PARD3B: variants seen among roughly 807,000 people sequenced by gnomAD.
PARD3B encodes partitioning defective 3 homolog B.
A neutral mutation model predicts 130.2 loss-of-function variants in PARD3B; 103 were observed. The observed-to-expected ratio is 0.79, with a 90% CI of 0.67 to 0.93. The LOEUF (loss-of-function observed/expected upper bound fraction) is 0.93, where lower values mean the gene tolerates loss of function less well. Among genes scored for constraint, PARD3B ranks in the 40% least tolerant of loss-of-function variants. PARD3B has a pLI of 0.00. For missense variants in PARD3B, 1,609 were observed against 1,499.2 expected (o/e 1.07, Z -1.21); for synonymous variants, 583 against 553.2 (o/e 1.05, Z -0.76).
intron 21 of PARD3B, among the ~76,000 whole-genome samples, chr2:205,536,765 G>C (rs892420912): frequency 1.3e-5 from 2 of 152,242 alleles, no homozygotes; most frequent in East Asian, 3.9e-4. Context: ...CCAATTACAA[G>C]ATGGAAGATT....
chr2:204,935,487 C>A (rs1274264630), intron 2 of PARD3B, among the ~76,000 whole-genome samples: 2 of 151,486 alleles, frequency 1.3e-5, no homozygotes, highest in Non-Finnish European at 1.5e-5. Context: ...TGCAGTGAGC[C>A]AAGATGGCGC....
chr2:205,619,381 A>C lies in PARD3B; in HGVS notation c.*3568A>C, dbSNP rs1176136753. The C allele has an allele frequency of 6.6e-6, 1 of 152,218 alleles. No homozygotes were observed. The allele number at this position is 152,218 out of a possible 1,614,324, so 9.4% of individuals were successfully genotyped here. ...GTTTGGTCTGAATGTGTGTCTGTACAATTCCCTTTGGCATTAAACTCTGAA... is the reference window on the plus strand; with the variant it reads ...GTTTGGTCTGAATGTGTGTCTGTACCATTCCCTTTGGCATTAAACTCTGAA... On this transcript the variant is annotated 3_prime_UTR_variant, in exon 23 of 23. Coordinates refer to ENST00000406610, the MANE Select transcript of PARD3B (RefSeq NM_001302769.2).
chr2:205,302,032 G>A (rs995081466), intron 18 of PARD3B: 57 of 540,348 alleles, frequency 1.1e-4, no homozygotes, highest in Admixed American at 6.6e-4. Flanking sequence ...GGGCAAGGTA[G>A]GGAGACCCTA....
intron 2 of PARD3B, among the ~76,000 whole-genome samples, chr2:204,770,477 C>T (rs2041318031): frequency 6.6e-6 from 1 of 151,198 alleles, no homozygotes; most frequent in South Asian, 2.1e-4. Context: ...AATGTATATT[C>T]TGTTGATTTG....
chr2:204,792,904 T>A (rs1286124942), intron 2 of PARD3B, among the ~76,000 whole-genome samples: 1 of 151,844 alleles, frequency 6.6e-6, no homozygotes, highest in Non-Finnish European at 1.5e-5. Context: ...TTTACCTATT[T>A]TTTTTTTTTT....
At chr2:204,986,125 A>AAAT (rs1693127128) in intron 3 of PARD3B, among the ~76,000 whole-genome samples, 1 of 150,840 alleles carries the variant, frequency 6.6e-6, no homozygotes, top group Non-Finnish European at 1.5e-5. Flanking sequence ...AAAAAAAAAA[A>AAAT]AGAGCTTATC....
chr2:204,565,502 G>A (rs556559268), intron 1 of PARD3B, among the ~76,000 whole-genome samples: 29 of 152,194 alleles, frequency 1.9e-4, no homozygotes, highest in Admixed American at 8.5e-4. Context: ...TTTTCCAAAC[G>A]TTGACATATT....
At chr2:205,055,001 A>G (rs954543395) in intron 4 of PARD3B, among the ~76,000 whole-genome samples, 2 of 152,164 alleles carry the variant, frequency 1.3e-5, no homozygotes, top group Non-Finnish European at 2.9e-5. Context: ...TCTGAAATAT[A>G]ATGTTTACAT....
At chr2:205,132,218 G>A (rs2032068652) in intron 10 of PARD3B, among the ~76,000 whole-genome samples, 1 of 152,294 alleles carries the variant, frequency 6.6e-6, no homozygotes, top group East Asian at 1.9e-4. Flanking sequence ...AGAAAATATT[G>A]TGGTAGAAAA....
In PARD3B at chr2:205,177,866, CA is replaced by C. The variant is rs1321476673; in HGVS notation, c.1924+1292del. Among the ~76,000 whole-genome samples, 4 of 152,230 alleles carry C rather than the reference CA, an allele frequency of 2.6e-5. No individual in the cohort carries two copies. The South Asian group carries it at 8.3e-4, about 32-fold the overall frequency. On this transcript the variant is annotated intron_variant, in intron 13 of 22. Transcript: ENST00000406610. ...AGAAAGTCAGTAAATAATTTACTCA[CA>C]AATGCATATTTGATACATGCACAGT...
intron 2 of PARD3B, among the ~76,000 whole-genome samples, chr2:204,804,981 A>G (rs1435406858): frequency 9.2e-5 from 14 of 152,146 alleles, no homozygotes; most frequent in Admixed American, 9.2e-4. Context: ...CAGTATTAAG[A>G]GAAAAGTCTA....
At position 205,585,405 on chromosome 2, in the gene PARD3B, T is replaced by C. The variant is rs1272324841; in HGVS notation, c.3261-30051T>C. 2.0e-5 allele frequency among the ~76,000 whole-genome samples: 3 copies of C among 152,198 alleles called. No individual in the cohort carries two copies. In the East Asian group the frequency reaches 5.8e-4, roughly 29 times the overall value. On this transcript the variant is annotated intron_variant, in intron 22 of 22. Transcript: ENST00000406610. This position sits in a 1 kb window ranked among gnomAD's most constrained non-coding sequence, Gnocchi z 5.4. ...GTGTGAGAGAATCCCCAGGGACCCT[T>C]TGGTAAATAGTAGTTTTTAAAGGGT...
At chr2:204,558,009 C>A (rs1196467255) in intron 1 of PARD3B, 2 of 152,098 alleles carry the variant, frequency 1.3e-5, no homozygotes, top group Non-Finnish European at 2.9e-5. Flanking sequence ...TTGATGGATT[C>A]TTTATTTTTG....
At chr2:204,648,652 A>ATCATATAAATAAT (rs1559028878) in intron 1 of PARD3B, among the ~76,000 whole-genome samples, 2 of 114,670 alleles carry the variant, frequency 1.7e-5, no homozygotes, top group African/African-American at 7.0e-5. Context: ...TTATATATAT[A>ATCATATAAATAAT]ATATATTTAT....
intron 3 of PARD3B, among the ~76,000 whole-genome samples, chr2:205,045,745 C>T (rs1044201817): frequency 3.3e-5 from 5 of 151,850 alleles, no homozygotes; most frequent in Admixed American, 2.6e-4. Context: ...CACACACGCA[C>T]ACATACACTC....
At chr2:205,494,575 C>T (rs146945627) in intron 20 of PARD3B, among the ~76,000 whole-genome samples, 188 of 152,252 alleles carry the variant, frequency 1.2e-3, no homozygotes, top group African/African-American at 4.2e-3. Flanking sequence ...TTAATGAATA[C>T]GGACTTCATT....
intron 2 of PARD3B, among the ~76,000 whole-genome samples, chr2:204,757,410 C>G (rs769814434): frequency 6.6e-6 from 1 of 152,184 alleles, no homozygotes; most frequent in African/African-American, 2.4e-5. Flanking sequence ...TCCTCCACAA[C>G]CTTGCCAACA....
At chr2:205,515,469 T>TAA (rs201637469) in intron 21 of PARD3B, among the ~76,000 whole-genome samples, 9,029 of 152,220 alleles carry the variant, frequency 0.059, 426 homozygotes, top group South Asian at 0.13. Flanking sequence ...CAACAGTGTA[T>TAA]GAGTGTTCCC....
chr2:205,451,523 A>T (rs1260712411), intron 20 of PARD3B, among the ~76,000 whole-genome samples: 2 of 152,110 alleles, frequency 1.3e-5, no homozygotes, highest in African/African-American at 2.4e-5. Context: ...TGCAAAAGTT[A>T]TAGATTCATA....
Sources: allele counts gnomAD v4.1 joint callset (sites outside exome capture counted in the v4.1 genomes callset), GRCh38; gene constraint gnomAD v4.1.1; non-coding constraint Gnocchi (gnomAD v3.1); transcripts MANE v1.5; gene names NCBI Gene and HGNC (gene_info 2026-07-23, HGNC 2026-07-21).